Variants in SPTB observed in about 807,000 individuals in gnomAD.
SPTB encodes spectrin beta, erythrocytic.
In SPTB, 45 loss-of-function variants were observed where a neutral mutation model predicts 256.2. The ratio of observed to expected loss-of-function variants is 0.18; its 90% confidence interval spans 0.14 to 0.23. The LOEUF is 0.23. Among genes scored for constraint, SPTB ranks in the 10% least tolerant of loss-of-function variants. The probability of loss-of-function intolerance (pLI) is 1.00; values close to 1 mark genes in which losing one functional copy is unlikely to be tolerated. For missense variants in SPTB, 2,715 were observed against 3,040.4 expected, an observed-to-expected ratio of 0.89 and a Z score of 2.52; for synonymous variants, 1,231 against 1,243.1, an observed-to-expected ratio of 0.99 and a Z score of 0.21.
rs891859526 is a variant in SPTB, at chr14:64,774,179, G to A, written c.4973+218C>T. 2.6e-5 allele frequency among the ~76,000 whole-genome samples: 4 copies of A among 152,138 alleles called. No homozygotes were observed. In the South Asian group the frequency reaches 6.2e-4, roughly 24 times the overall value. On this transcript the variant is annotated intron_variant, in intron 24 of 35. Transcript: ENST00000644917. ...TGCTAACCCCTTCTCTGATCATTTC[G>A]AAAACCAGGGCCTCGATGGCCCAGC...
At chr14:64,765,818 GTGAGTGTGTGTGTGT>G (rs1566740452) in intron 32 of SPTB, among the ~76,000 whole-genome samples, 25 of 142,826 alleles carry the variant, frequency 1.8e-4, no homozygotes, top group African/African-American at 6.6e-4. Context: ...GTGTGTGTGT[GTGAGTGTGTGTGTGT>G]GTGGGGGTGT....
intron 32 of SPTB, among the ~76,000 whole-genome samples, chr14:64,762,604 G>A (rs890622367): frequency 2.0e-5 from 3 of 152,330 alleles, no homozygotes; most frequent in African/African-American, 7.2e-5. Context: ...GAGACGCAAG[G>A]GACCTAGGAG....
rs1336461504 is a variant in SPTB at position 64,775,320 on chromosome 14, C to A, written c.4647G>T (p.Glu1549Asp). Residue 1549 changes from glutamate (E) to aspartate (D), a missense_variant, in exon 23 of 36, where the codon GAG (glutamate) becomes GAT (aspartate). Around this residue, in one of 4 missense-constraint regions of SPTB, gnomAD observed 2,239 missense variants for 2,384.4 expected, o/e 0.94. Coordinates refer to ENST00000644917, the MANE Select transcript of SPTB (RefSeq NM_001355436.2). This position sits in a 1 kb window ranked among gnomAD's most constrained non-coding sequence, Gnocchi z 5.0. ...QRGQQLVEAAEIDCQDLEERL... is the reference protein window; with the variant it reads ...QRGQQLVEAADIDCQDLEERL... ...GCTCCTCAAGGTCCTGGCAGTCGAT[C>A]TCCGCCGCCTCCACCAGCTGCTGCC... 6.2e-7 allele frequency: 1 copy of A among 1,612,948 alleles called. No individual in the cohort carries two copies. The highest frequency in any genetic ancestry group is 1.3e-5 in the African/African-American group (1 of 74,884).
At chr14:64,805,687 A>G (rs1009403434) in intron 2 of SPTB, among the ~76,000 whole-genome samples, 2 of 152,130 alleles carry the variant, frequency 1.3e-5, no homozygotes, top group Admixed American at 1.3e-4. Context: ...TCAGTACTCC[A>G]TAGCTGTATT....
chr14:64,843,373 G>GTTGTTGCAGTTACTACTCAAGGTCTC (rs2083638120), intron 1 of SPTB, among the ~76,000 whole-genome samples: 1 of 151,956 alleles, frequency 6.6e-6, no homozygotes, highest in Non-Finnish European at 1.5e-5. Flanking sequence ...CTCAAGGTCT[G>GTTGTTGCAGTTACTACTCAAGGTCTC]TCATGTTGTT....
At position 64,831,158 on chromosome 14, in the gene SPTB, C is replaced by T. The variant is rs2083446513; in HGVS notation, c.-51-8013G>A. 3.3e-5 allele frequency among the ~76,000 whole-genome samples: 5 copies of T among 152,222 alleles called. No individual in the cohort carries two copies. The South Asian group carries it at 1.0e-3, about 32-fold the overall frequency. On this transcript the variant is annotated intron_variant, in intron 1 of 35. Transcript: ENST00000644917. ...CCTCCTCAGTCTCACTTCCTCTCCA[C>T]CAACCTCACTGCCACTTCCTCCCCA...
chr14:64,773,020 G>A, intron 25 of SPTB, 66 bp from the exon 26 acceptor site: 1 of 1,580,522 alleles, frequency 6.3e-7, no homozygotes, highest in Admixed American at 1.7e-5. Context: ...CACCAGCTTA[G>A]CCAAAGACTT....
At chr14:64,797,036 A>G (rs377056099) in intron 10 of SPTB, among the ~76,000 whole-genome samples, 35 of 152,286 alleles carry the variant, frequency 2.3e-4, no homozygotes, top group African/African-American at 8.2e-4. Context: ...CCTCCGTTCA[A>G]TATGAACTGC....
intron 32 of SPTB, chr14:64,754,287 A>C: frequency 4.3e-6 from 1 of 234,596 alleles, no homozygotes; most frequent in Non-Finnish European, 8.5e-6. Flanking sequence ...ATTGTGCCTA[A>C]AGCCCTAAAA....
At chr14:64,849,106 T>C (rs2139771361) in intron 1 of SPTB, among the ~76,000 whole-genome samples, 1 of 152,384 alleles carries the variant, frequency 6.6e-6, no homozygotes, top group South Asian at 2.1e-4. Flanking sequence ...TTATAGCCTT[T>C]ATTTATCCTC....
chr14:64,820,788 A>C (rs762500853), intron 2 of SPTB, among the ~76,000 whole-genome samples: 4 of 151,910 alleles, frequency 2.6e-5, no homozygotes, highest in Non-Finnish European at 1.5e-5. Flanking sequence ...CTCGTGCCTC[A>C]GCTTCTTGAG....
intron 2 of SPTB, among the ~76,000 whole-genome samples, chr14:64,820,572 G>C (rs964557036): frequency 1.3e-5 from 2 of 152,202 alleles, no homozygotes; most frequent in African/African-American, 2.4e-5. Context: ...CCTCTCCCTG[G>C]GGGGCATTCA....
At chr14:64,858,103 A>T (rs2083901076) in intron 1 of SPTB, among the ~76,000 whole-genome samples, 1 of 152,260 alleles carries the variant, frequency 6.6e-6, no homozygotes, top group Admixed American at 6.5e-5. Flanking sequence ...AGCAAGTGTT[A>T]GAACCTGGAT....
chr14:64,814,055 G>A (rs1038917266), intron 2 of SPTB, among the ~76,000 whole-genome samples: 4 of 152,204 alleles, frequency 2.6e-5, no homozygotes, highest in African/African-American at 4.8e-5. Context: ...AAGGATTTGC[G>A]ATATAGCTAG....
In SPTB at chr14:64,825,036, G is replaced by C. The variant is rs2083355460; in HGVS notation, c.-51-1891C>G. ...AACTGGAGCGCAGTTTATCCCCCTT[G>C]ACCAGACGGGTTTCAGGAGGGCAGG... is the stretch of plus-strand genomic sequence containing the variant. On this transcript the variant is annotated intron_variant, in intron 1 of 35. Coordinates refer to ENST00000644917, the MANE Select transcript of SPTB (RefSeq NM_001355436.2). This position sits in a 1 kb window ranked among gnomAD's most constrained non-coding sequence, Gnocchi z 4.8. Among the ~76,000 whole-genome samples the C allele has an allele frequency of 6.6e-6, 1 of 152,066 alleles. No individual in the cohort carries two copies. The highest frequency in any genetic ancestry group is 1.5e-5 in the Non-Finnish European group (1 of 68,020).
rs2081920560 is a variant in SPTB at position 64,750,038 on chromosome 14, T to C, written c.6719A>G (p.His2240Arg). The C allele has an allele frequency of 1.2e-6, 2 of 1,614,090 alleles. No homozygotes were observed. Among genetic ancestry groups the C allele is most frequent in the Non-Finnish European group, 1.7e-6 (2 of 1,180,034 alleles). Residue 2240 changes from histidine (H) to arginine (R), a missense_variant, in exon 34 of 36, where the codon CAT becomes CGT. By Grantham distance (29) the His-to-Arg change is conservative (BLOSUM62 0). This residue lies in a region of SPTB where 2,239 missense variants were observed against 2,384.4 expected (regional missense o/e 0.94). Coordinates refer to ENST00000644917, the MANE Select transcript of SPTB (RefSeq NM_001355436.2). ...GTTGGCAGCAATCTCACAGATGGCA[T>C]GTCTCAGGGCCAGGGGTTCCTCCCC... ...YHGEEPLALR[H>R]AICEIAANYK...
Position 64,774,509 on chromosome 14 carries a change from C to T in SPTB, c.4861G>A (p.Val1621Met), listed in dbSNP as rs1229350121. 2 of 1,554,424 alleles carry T rather than the reference C, an allele frequency of 1.3e-6. No homozygotes were observed. The highest frequency in any genetic ancestry group is 1.4e-5 in the African/African-American group (1 of 73,362). The change falls in exon 24 of 36, where the codon GTG becomes ATG. Residue 1621 changes from valine (V) to methionine (M), a missense_variant. Transcript: ENST00000644917. ...TGCCGCAAATGTCGCTTCAGCATCA[C>T]AATGGCGCCCTCTTCATCCTAGGAG... is the stretch of plus-strand genomic sequence containing the variant. ...EIPKDEEGAI[V>M]MLKRHLRQQR...
intron 1 of SPTB, among the ~76,000 whole-genome samples, chr14:64,842,153 G>C (rs2083617336): frequency 6.6e-6 from 1 of 152,262 alleles, no homozygotes; most frequent in African/African-American, 2.4e-5. Context: ...CGTGTGCGGG[G>C]CCATGGTGGT....
In SPTB at chr14:64,791,742, C is replaced by T. The variant is rs368620488; in HGVS notation, c.2781G>A (p.Gln927=). The T allele has an allele frequency of 1.8e-5, 29 of 1,614,060 alleles. 1 individual carries two copies. Among genetic ancestry groups the T allele is most frequent in the Non-Finnish European group, 2.5e-5 (29 of 1,180,042 alleles). Residue 927 remains glutamine (Q), a synonymous_variant, in exon 15 of 36, where the codon CAG becomes CAA. Coordinates refer to ENST00000644917, the MANE Select transcript of SPTB (RefSeq NM_001355436.2). ...SGHPRSREVK[Q]YQDHLNTRWQ... ...ACCTGGTGTTCAGATGGTCCTGGTA[C>T]TGCTTCACCTCCCTGCTGCGTGGGT...
Sources: allele counts gnomAD v4.1 joint callset (sites outside exome capture counted in the v4.1 genomes callset), GRCh38; gene constraint gnomAD v4.1.1; regional missense constraint gnomAD v4.1.1; non-coding constraint Gnocchi (gnomAD v3.1); transcripts MANE v1.5; gene names NCBI Gene and HGNC (gene_info 2026-07-23, HGNC 2026-07-21).